LMBRD1: variants seen among roughly 807,000 people sequenced by gnomAD.
LMBRD1 encodes LMBR1 domain containing 1.
A neutral mutation model predicts 74.8 loss-of-function variants in LMBRD1; 64 were observed. The ratio of observed to expected loss-of-function variants is 0.86; its 90% CI spans 0.70 to 1.05. The LOEUF is 1.05. Ranked by LOEUF, LMBRD1 falls within the 50% of genes least tolerant of loss-of-function variation. LMBRD1 has a pLI of 0.00. For synonymous variants in LMBRD1, 204 were observed against 216.3 expected (o/e 0.94, Z 0.50); for missense variants, 652 against 645.9 (o/e 1.01, Z -0.10).
chr6:69,750,770 A>T (rs1765126307), intron 4 of LMBRD1, among the ~76,000 whole-genome samples: 1 of 152,118 alleles, frequency 6.6e-6, no homozygotes, highest in African/African-American at 2.4e-5. Flanking sequence ...GGTTTTTCCA[A>T]ATATAGAGTA....
chr6:69,689,721 T>C (rs1013865878), intron 14 of LMBRD1, among the ~76,000 whole-genome samples: 8 of 152,116 alleles, frequency 5.3e-5, no homozygotes, highest in Admixed American at 2.0e-4. Flanking sequence ...ATCAGAGTAA[T>C]ATTATATTGG....
chr6:69,730,741 T>C (rs543401259), intron 7 of LMBRD1, among the ~76,000 whole-genome samples: 22 of 152,246 alleles, frequency 1.4e-4, no homozygotes, highest in African/African-American at 5.3e-4. Context: ...AGAATGAAGA[T>C]GCATCGGTAG....
intron 3 of LMBRD1, among the ~76,000 whole-genome samples, chr6:69,763,132 T>C (rs1338823721): frequency 6.6e-6 from 1 of 151,838 alleles, no homozygotes; most frequent in Non-Finnish European, 1.5e-5. Flanking sequence ...GAAGGCAAAG[T>C]TTGCCAGTGA....
intron 14 of LMBRD1, among the ~76,000 whole-genome samples, chr6:69,691,892 A>AG (rs959076777): frequency 3.3e-5 from 5 of 151,442 alleles, no homozygotes; most frequent in Non-Finnish European, 7.4e-5. Context: ...AAAAAAAAAA[A>AG]AAAAGAAAGA....
At chr6:69,685,225 T>A (rs73745720) in intron 14 of LMBRD1, among the ~76,000 whole-genome samples, 3,127 of 151,944 alleles carry the variant, frequency 0.021, 115 homozygotes, top group African/African-American at 0.071. Context: ...ATGGGAGGGG[T>A]AGGGCGAAGA....
At chr6:69,729,895 A>C (rs976919698) in intron 7 of LMBRD1, among the ~76,000 whole-genome samples, 2 of 152,014 alleles carry the variant, frequency 1.3e-5, no homozygotes, top group African/African-American at 2.4e-5. Flanking sequence ...ACCTTATATA[A>C]AACATTATAA....
In LMBRD1 at chr6:69,713,693, A is replaced by T. The variant is rs747318789; in HGVS notation, c.867T>A (p.Ile289=). ...AAAATTTTGTCCACCAGCTGTTTTC[A>T]ATGAATTCTAAATGCCTCTCTCTCT... ...LKKRERHLEF[I]ENSWWTKFCG... Residue 289 remains isoleucine (I), a synonymous_variant, in exon 9 of 16, where the codon ATT becomes ATA. Coordinates refer to ENST00000649934, the MANE Select transcript of LMBRD1 (RefSeq NM_018368.4). 6.8e-6 allele frequency: 11 copies of T among 1,613,632 alleles called. No individual in the cohort carries two copies. The highest frequency in any genetic ancestry group is 9.3e-6 in the Non-Finnish European group (11 of 1,179,744).
chr6:69,766,943 T>G (rs984069857), intron 3 of LMBRD1, among the ~76,000 whole-genome samples: 1 of 151,818 alleles, frequency 6.6e-6, no homozygotes, highest in African/African-American at 2.4e-5. Context: ...TGGTAATTGA[T>G]TCAATTGGAA....
intron 7 of LMBRD1, among the ~76,000 whole-genome samples, chr6:69,721,076 C>T (rs571735160): frequency 6.6e-6 from 1 of 152,206 alleles, no homozygotes; most frequent in Non-Finnish European, 1.5e-5. Context: ...GGGAATCACT[C>T]ATCCCAGTGG....
chr6:69,716,098 C>T (rs1407235978), intron 8 of LMBRD1, among the ~76,000 whole-genome samples: 7 of 152,054 alleles, frequency 4.6e-5, no homozygotes, highest in African/African-American at 1.4e-4. Flanking sequence ...GTGTCTTTAT[C>T]GCAGAATGCT....
At chr6:69,701,232 A>C (rs1363801243) in intron 11 of LMBRD1, among the ~76,000 whole-genome samples, 1 of 151,874 alleles carries the variant, frequency 6.6e-6, no homozygotes, top group Admixed American at 6.6e-5. Context: ...AAGTCCAGGA[A>C]TATATCAATA....
chr6:69,747,626 T>G (rs1765015098), intron 5 of LMBRD1, among the ~76,000 whole-genome samples: 1 of 152,232 alleles, frequency 6.6e-6, no homozygotes, highest in Non-Finnish European at 1.5e-5. Context: ...ATCTGGTATG[T>G]ATCTCCTATC....
At chr6:69,746,311 T>TGCC (rs1159731765) in intron 5 of LMBRD1, 5 of 153,736 alleles carry the variant, frequency 3.3e-5, no homozygotes, top group Non-Finnish European at 7.2e-5. Flanking sequence ...TGGTCAGCAA[T>TGCC]GCCTCCTGCA....
In LMBRD1 at chr6:69,690,665, G is replaced by C. The variant is rs554060455; in HGVS notation, c.1417+6898C>G. ...TAATACAATTAAAGGATTAATGCTT[G>C]AGGTAATGGATACCACATTTGCCCT... On this transcript the variant is annotated intron_variant, in intron 14 of 15. Transcript: ENST00000649934. Among the ~76,000 whole-genome samples the C allele has an allele frequency of 2.6e-5, 4 of 152,180 alleles. No homozygotes were observed. In the South Asian group the frequency reaches 6.2e-4, roughly 24 times the overall value.
intron 2 of LMBRD1, 75 bp from the exon 3 acceptor site, chr6:69,780,629 C>A: frequency 1.9e-6 from 2 of 1,080,292 alleles, no homozygotes; most frequent in Non-Finnish European, 1.4e-6. Context: ...AGTTTTAATA[C>A]GACTGAATAT....
chr6:69,790,424 G>T lies in LMBRD1; in HGVS notation c.118C>A (p.Arg40=). 1 of 1,613,928 alleles carries T rather than the reference G, an allele frequency of 6.2e-7. No individual in the cohort carries two copies. The highest frequency in any genetic ancestry group is 8.5e-7 in the Non-Finnish European group (1 of 1,179,910). Residue 40 remains arginine (R), a synonymous_variant, in exon 2 of 16, where the codon CGG becomes AGG. Coordinates refer to ENST00000649934, the MANE Select transcript of LMBRD1 (RefSeq NM_018368.4). The part of the protein sequence containing the change: ...WIYVRKYQSR[R]ESEVVSTITA... Reference sequence around the variant, plus strand: ...ATGGTGGAGACAACTTCACTTTCCCGCCGACTTTGGTATTTACGAACATAT... The same window carrying T: ...ATGGTGGAGACAACTTCACTTTCCCTCCGACTTTGGTATTTACGAACATAT...
chr6:69,767,551 G>T lies in LMBRD1; in HGVS notation c.307+12943C>A, dbSNP rs550845535. 2.2e-4 allele frequency among the ~76,000 whole-genome samples: 33 copies of T among 151,636 alleles called. No individual in the cohort carries two copies. The South Asian group carries it at 6.9e-3, about 31-fold the overall frequency. ...TTTCTAATTTAATTACATTATGATT[G>T]GAAAATGCACTTTGTATGATTTTTA... is the stretch of plus-strand genomic sequence containing the variant. On this transcript the variant is annotated intron_variant, in intron 3 of 15. Coordinates refer to ENST00000649934, the MANE Select transcript of LMBRD1 (RefSeq NM_018368.4).
At chr6:69,732,738 G>A (rs1582099231) in intron 7 of LMBRD1, among the ~76,000 whole-genome samples, 1 of 152,032 alleles carries the variant, frequency 6.6e-6, no homozygotes, top group South Asian at 2.1e-4. Context: ...TATGGATAGA[G>A]GTATATAGTA....
intron 13 of LMBRD1, among the ~76,000 whole-genome samples, chr6:69,698,670 T>C (rs1766059137): frequency 6.6e-6 from 1 of 152,030 alleles, no homozygotes; most frequent in Non-Finnish European, 1.5e-5. Flanking sequence ...AGGGGATTCA[T>C]AGTGCCAATG....
Sources: allele counts gnomAD v4.1 joint callset (sites outside exome capture counted in the v4.1 genomes callset), GRCh38; gene constraint gnomAD v4.1.1; transcripts MANE v1.5; gene names NCBI Gene and HGNC (gene_info 2026-07-23, HGNC 2026-07-21).